Variants in VAV3 observed in about 807,000 individuals in gnomAD.
VAV3 encodes guanine nucleotide exchange factor VAV3.
VAV3 carries 94 observed loss-of-function variants against 131.2 expected under a neutral mutation model. The observed-to-expected ratio is 0.72, with a 90% confidence interval of 0.61 to 0.85. The LOEUF (loss-of-function observed/expected upper bound fraction) is 0.85. Among genes scored for constraint, VAV3 ranks in the 40% least tolerant of loss-of-function variants. The pLI is 0.00. For synonymous variants in VAV3, 349 were observed against 342.0 expected, an observed-to-expected ratio of 1.02 and a Z score of -0.22; for missense variants, 939 against 1,002.7, an observed-to-expected ratio of 0.94 and a Z score of 0.86.
intron 10 of VAV3, among the ~76,000 whole-genome samples, chr1:107,759,214 A>T (rs1664283094): frequency 6.6e-6 from 1 of 152,228 alleles, no homozygotes; most frequent in Non-Finnish European, 1.5e-5. Context: ...GAGAAGCCAT[A>T]CAAAAATCTT....
chr1:107,727,582 G>T (rs922932906), intron 15 of VAV3, among the ~76,000 whole-genome samples: 6 of 152,116 alleles, frequency 3.9e-5, no homozygotes, highest in Non-Finnish European at 8.8e-5. Context: ...GTCTACTAAT[G>T]AACATTTAAA....
At chr1:107,961,003 T>C (rs1357899200) in intron 1 of VAV3, among the ~76,000 whole-genome samples, 4 of 152,028 alleles carry the variant, frequency 2.6e-5, no homozygotes, top group Non-Finnish European at 1.5e-5. Flanking sequence ...TCAACTCTAC[T>C]AAAATCCAAA....
At position 107,582,493 on chromosome 1, in the gene VAV3, C is replaced by T. The variant is rs559970816; in HGVS notation, c.2351-8295G>A. Among the ~76,000 whole-genome samples the T allele has an allele frequency of 2.6e-4, 39 of 151,816 alleles. 1 individual carries two copies. The highest frequency in any genetic ancestry group is 6.8e-3 in the Middle Eastern group (2 of 294). On this transcript the variant is annotated intron_variant, in intron 25 of 26. Transcript: ENST00000370056. ...TAGTTACATATGTATACATGTGCCA[C>T]GCTGGTGCGCTGCACCCACTAACTC... is the stretch of plus-strand genomic sequence containing the variant.
chr1:107,952,301 G>A (rs1218493180), intron 1 of VAV3, among the ~76,000 whole-genome samples: 1 of 151,570 alleles, frequency 6.6e-6, no homozygotes, highest in African/African-American at 2.4e-5. Flanking sequence ...ACACACTGGG[G>A]CCTATCAGAC....
chr1:107,693,248 G>A (rs1557767777), intron 17 of VAV3, among the ~76,000 whole-genome samples: 1 of 152,186 alleles, frequency 6.6e-6, no homozygotes, highest in African/African-American at 2.4e-5. Context: ...CAGGGAAAAG[G>A]AGAGTGGAAC....
At chr1:107,599,359 G>T (rs1651657341) in intron 24 of VAV3, among the ~76,000 whole-genome samples, 1 of 151,988 alleles carries the variant, frequency 6.6e-6, no homozygotes, top group South Asian at 2.1e-4. Flanking sequence ...TGACCTTCAG[G>T]TACAACAAGT....
At position 107,896,979 on chromosome 1, in the gene VAV3, A is replaced by C. The variant is rs1010021138; in HGVS notation, c.205-21962T>G. ...CTGTACAAGACACTGCACAGCACTC[A>C]ACAGATAGAAGGGTGAGAAAAACAG... On this transcript the variant is annotated intron_variant, in intron 1 of 26. Coordinates refer to ENST00000370056, the MANE Select transcript of VAV3 (RefSeq NM_006113.5). 7.9e-5 allele frequency among the ~76,000 whole-genome samples: 12 copies of C among 152,182 alleles called. No homozygotes were observed. The East Asian group carries it at 2.2e-3, about 27-fold the overall frequency.
intron 13 of VAV3, among the ~76,000 whole-genome samples, chr1:107,750,273 C>G (rs1663629709): frequency 6.6e-6 from 1 of 152,136 alleles, no homozygotes; most frequent in Admixed American, 6.6e-5. Context: ...GGTATATGAG[C>G]CAAGTGTAAA....
chr1:107,835,064 T>C (rs1668411443), intron 2 of VAV3, among the ~76,000 whole-genome samples: 1 of 152,134 alleles, frequency 6.6e-6, no homozygotes, highest in African/African-American at 2.4e-5. Flanking sequence ...CTCTCCATCT[T>C]CCTCCAAGTA....
chr1:107,821,165 A>G (rs1667776393), intron 2 of VAV3, among the ~76,000 whole-genome samples: 1 of 152,236 alleles, frequency 6.6e-6, no homozygotes, highest in Non-Finnish European at 1.5e-5. Context: ...TCATATCCTT[A>G]GAAGACAAAA....
chr1:107,879,033 T>C (rs1220944205), intron 1 of VAV3, among the ~76,000 whole-genome samples: 2 of 152,032 alleles, frequency 1.3e-5, no homozygotes, highest in Non-Finnish European at 2.9e-5. Flanking sequence ...GCCATCATTA[T>C]TTTTTTAATG....
intron 1 of VAV3, among the ~76,000 whole-genome samples, chr1:107,921,955 T>A (rs948079925): frequency 3.3e-5 from 5 of 152,220 alleles, no homozygotes; most frequent in Admixed American, 6.5e-5. Context: ...TCTTCTCAGC[T>A]TTTTTGTGTA....
chr1:107,612,343 T>C (rs192563989), intron 21 of VAV3, among the ~76,000 whole-genome samples: 2 of 152,194 alleles, frequency 1.3e-5, no homozygotes, highest in Admixed American at 6.5e-5. Context: ...TCTAAGAGGA[T>C]AGTAATTTTC....
intron 2 of VAV3, among the ~76,000 whole-genome samples, chr1:107,859,719 G>A (rs1669649973): frequency 6.6e-6 from 1 of 151,994 alleles, no homozygotes; most frequent in South Asian, 2.1e-4. Flanking sequence ...TAGATCATCA[G>A]AAAATTAAAT....
chr1:107,906,392 C>T (rs1158296717), intron 1 of VAV3, among the ~76,000 whole-genome samples: 6 of 152,126 alleles, frequency 3.9e-5, no homozygotes, highest in African/African-American at 7.2e-5. Context: ...GGGCTGGGCA[C>T]GGTGGCTCAC....
chr1:107,799,294 T>G (rs2102296769), intron 2 of VAV3, among the ~76,000 whole-genome samples: 1 of 151,906 alleles, frequency 6.6e-6, no homozygotes, highest in African/African-American at 2.4e-5. Context: ...CCTTTTCTGT[T>G]TTTAGTGTTC....
At chr1:107,578,937 A>G in intron 25 of VAV3, 4 of 982,044 alleles carry the variant, frequency 4.1e-6, no homozygotes, top group Non-Finnish European at 4.8e-6. Flanking sequence ...AATGCAAATT[A>G]AATAATTTCA....
chr1:107,629,139 AG>A (rs1317489846), intron 20 of VAV3, among the ~76,000 whole-genome samples: 6 of 152,192 alleles, frequency 3.9e-5, no homozygotes, highest in African/African-American at 1.4e-4. Context: ...ATGACAATGG[AG>A]CAAATAAAAC....
chr1:107,799,572 T>C (rs1666730282), intron 2 of VAV3, among the ~76,000 whole-genome samples: 1 of 152,190 alleles, frequency 6.6e-6, no homozygotes, highest in African/African-American at 2.4e-5. Context: ...TATTGATGTA[T>C]ACTAGATGTA....
Sources: allele counts gnomAD v4.1 joint callset (sites outside exome capture counted in the v4.1 genomes callset), GRCh38; gene constraint gnomAD v4.1.1; transcripts MANE v1.5; gene names NCBI Gene and HGNC (gene_info 2026-07-23, HGNC 2026-07-21).